Variants in ROBO1 observed in about 807,000 individuals in gnomAD.
ROBO1 encodes the protein roundabout homolog 1.
Under a neutral mutation model 195.9 loss-of-function variants are expected in ROBO1, and 149 were observed. The ratio of observed to expected loss-of-function variants is 0.76; its 90% confidence interval spans 0.67 to 0.87. The LOEUF (loss-of-function observed/expected upper bound fraction) is 0.87, where lower values mean the gene tolerates loss of function less well. Ranked by LOEUF, ROBO1 falls within the 40% of genes least tolerant of loss-of-function variation. The probability of loss-of-function intolerance (pLI) is 0.00; values close to 1 mark genes in which losing one functional copy is unlikely to be tolerated. For missense variants in ROBO1, 1,933 were observed against 2,068.3 expected (o/e 0.93, Z 1.27); for synonymous variants, 816 against 733.2 (o/e 1.11, Z -1.82).
At chr3:78,858,679 G>A (rs1036381793) in intron 4 of ROBO1, among the ~76,000 whole-genome samples, 4 of 151,742 alleles carry the variant, frequency 2.6e-5, no homozygotes, top group Non-Finnish European at 5.9e-5. Flanking sequence ...GAGAACGGGA[G>A]GTGGATATTG....
intron 3 of ROBO1, among the ~76,000 whole-genome samples, chr3:79,044,486 A>G (rs2078552693): frequency 1.3e-5 from 2 of 152,192 alleles, no homozygotes; most frequent in Non-Finnish European, 2.9e-5. Flanking sequence ...TAAAAGTATA[A>G]TATCTGGTTC....
At chr3:79,054,600 C>T (rs2078767453) in intron 3 of ROBO1, among the ~76,000 whole-genome samples, 2 of 152,082 alleles carry the variant, frequency 1.3e-5, no homozygotes. Context: ...TAATTCTTTT[C>T]TTGGAGCCTG....
chr3:78,706,514 C>G (rs1431029167), intron 8 of ROBO1, among the ~76,000 whole-genome samples: 1 of 151,298 alleles, frequency 6.6e-6, no homozygotes, highest in African/African-American at 2.4e-5. Context: ...TTATTTAAAA[C>G]AATTTTTTTT....
intron 3 of ROBO1, among the ~76,000 whole-genome samples, chr3:79,017,121 A>C (rs2077962656): frequency 6.6e-6 from 1 of 152,190 alleles, no homozygotes; most frequent in Non-Finnish European, 1.5e-5. Flanking sequence ...AAGAAGTAAC[A>C]ATTTAATAAT....
intron 2 of ROBO1, among the ~76,000 whole-genome samples, chr3:79,181,656 A>C (rs535527749): frequency 1.3e-5 from 2 of 152,298 alleles, no homozygotes; most frequent in East Asian, 3.9e-4. Flanking sequence ...TTAATGTAAG[A>C]AATTTTCATC....
intron 2 of ROBO1, among the ~76,000 whole-genome samples, chr3:79,540,498 C>G (rs937946557): frequency 6.6e-6 from 1 of 152,070 alleles, no homozygotes; most frequent in Non-Finnish European, 1.5e-5. Flanking sequence ...AACATCCGCT[C>G]ATAACCCAAG....
intron 3 of ROBO1, among the ~76,000 whole-genome samples, chr3:79,089,030 G>A (rs186562272): frequency 5.9e-5 from 9 of 151,954 alleles, no homozygotes; most frequent in East Asian, 1.9e-4. Flanking sequence ...TGTATTCCTC[G>A]CTTTTAGTAA....
chr3:79,518,311 G>A (rs1368160531), intron 2 of ROBO1, among the ~76,000 whole-genome samples: 1 of 152,104 alleles, frequency 6.6e-6, no homozygotes, highest in African/African-American at 2.4e-5. Context: ...AGAAGGAGAA[G>A]GAGGAAAGGA....
intron 4 of ROBO1, among the ~76,000 whole-genome samples, chr3:78,833,186 G>A (rs2032386353): frequency 6.6e-6 from 1 of 151,982 alleles, no homozygotes; most frequent in Non-Finnish European, 1.5e-5. Flanking sequence ...GAGATCATAA[G>A]GGCTCAATGC....
chr3:78,732,138 C>T (rs774577462), intron 5 of ROBO1, among the ~76,000 whole-genome samples: 5 of 152,000 alleles, frequency 3.3e-5, no homozygotes, highest in Admixed American at 6.6e-5. Context: ...CTACATAGAT[C>T]CAAAGTAAAG....
In ROBO1 at chr3:78,961,247, CA is replaced by C. The variant is rs149291577; in HGVS notation, c.173-22321del. Among the ~76,000 whole-genome samples, 1,001 of 151,800 alleles carry C rather than the reference CA, an allele frequency of 6.6e-3. 15 individuals carry two copies. Among genetic ancestry groups the C allele is most frequent in the African/African-American group, 0.023 (953 of 41,426 alleles). ...ATACAACAATTGTAAATTTTTCATA[CA>C]AAAAAAATTTGAAAAGACAGGGAGA... is the stretch of plus-strand genomic sequence containing the variant. On this transcript the variant is annotated intron_variant, in intron 3 of 30. Transcript: ENST00000464233.
At chr3:79,074,873 A>G (rs1365422398) in intron 3 of ROBO1, among the ~76,000 whole-genome samples, 2 of 151,924 alleles carry the variant, frequency 1.3e-5, no homozygotes, top group Non-Finnish European at 2.9e-5. Context: ...TTTTCCTAAT[A>G]TAAAAATACA....
At chr3:79,763,195 C>A (rs943191574) in intron 1 of ROBO1, among the ~76,000 whole-genome samples, 1 of 152,004 alleles carries the variant, frequency 6.6e-6, no homozygotes. Context: ...ATTTGAATGT[C>A]ATTACTGAAA....
chr3:78,752,901 T>C (rs2082833346), intron 4 of ROBO1, among the ~76,000 whole-genome samples: 1 of 152,162 alleles, frequency 6.6e-6, no homozygotes, highest in Non-Finnish European at 1.5e-5. Context: ...ATTTTTCTTA[T>C]ATCATGCAAC....
At chr3:78,939,762 AAATT>A (rs1269784624) in intron 3 of ROBO1, among the ~76,000 whole-genome samples, 146 of 151,540 alleles carry the variant, frequency 9.6e-4, no homozygotes, top group African/African-American at 3.4e-3. Context: ...TTTTATTAAT[AAATT>A]AATTTTATTA....
intron 4 of ROBO1, among the ~76,000 whole-genome samples, chr3:78,821,917 G>C (rs757374607): frequency 3.0e-4 from 45 of 152,100 alleles, no homozygotes; most frequent in South Asian, 2.1e-4. Flanking sequence ...AGACAGAGAA[G>C]AAGAAGCAGT....
At position 79,534,148 on chromosome 3, in the gene ROBO1, C is replaced by CAA. The variant is rs5850434; in HGVS notation, c.88+55674_88+55675dup. 3.5e-3 allele frequency among the ~76,000 whole-genome samples: 211 copies of CAA among 59,956 alleles called. 7 individuals carry two copies. Among genetic ancestry groups the CAA allele is most frequent in the African/African-American group, 0.012 (195 of 15,994 alleles). The allele number at this position is 59,956 out of a possible 152,430, so 39.3% of individuals were successfully genotyped here. ...GGAAGACTCTAGATGCTGGGGAAGG[C>CAA]AAAAAAAAAAAAAAAAAAAAAAAAA... On this transcript the variant is annotated intron_variant, in intron 2 of 30. Transcript: ENST00000464233.
chr3:79,297,428 C>T (rs1025636235), intron 2 of ROBO1, among the ~76,000 whole-genome samples: 2 of 152,090 alleles, frequency 1.3e-5, no homozygotes, highest in Non-Finnish European at 2.9e-5. Flanking sequence ...TAAGTAAACA[C>T]AATTCTTTGT....
At chr3:78,613,658 C>T (rs1479235845) in intron 28 of ROBO1, among the ~76,000 whole-genome samples, 1 of 152,154 alleles carries the variant, frequency 6.6e-6, no homozygotes, top group Non-Finnish European at 1.5e-5. Context: ...TGCAAAATTA[C>T]TTGTGCTCAT....
Sources: gnomAD v4.1 joint callset for allele counts (sites outside exome capture counted in the v4.1 genomes callset) on GRCh38, gnomAD v4.1.1 for gene constraint, MANE v1.5 for transcripts, NCBI Gene and HGNC (gene_info 2026-07-23, HGNC 2026-07-21) for gene names.